BZW1: variants seen among roughly 807,000 people sequenced by gnomAD.
BZW1 encodes the protein basic leucine zipper and W2 domains 1, also known as eIF5-mimic protein 2.
In BZW1, 3 loss-of-function variants were observed where a neutral mutation model predicts 54.1. That is an observed-to-expected ratio of 0.06 (90% CI 0.03 to 0.14). BZW1 has a LOEUF of 0.14. BZW1 is among the 10% of genes least tolerant of loss of function. The probability of loss-of-function intolerance (pLI) is 1.00; values close to 1 mark genes in which losing one functional copy is unlikely to be tolerated. For missense variants in BZW1, 206 were observed against 491.7 expected, an observed-to-expected ratio of 0.42 and a Z score of 5.50; for synonymous variants, 152 against 162.7, an observed-to-expected ratio of 0.93 and a Z score of 0.50.
chr2:200,820,213 C>T, intron 10 of BZW1, 93 bp downstream of exon 10: 1 of 1,165,804 alleles, frequency 8.6e-7, no homozygotes, highest in Non-Finnish European at 1.2e-6. Context: ...GACATCAGCT[C>T]CCTGAAATAT....
rs2038596018 is a variant in BZW1 at position 200,823,425 on chromosome 2, T to TG, written c.*1253dup. On this transcript the variant is annotated 3_prime_UTR_variant, in exon 12 of 12. Transcript: ENST00000409600. ...GCTACCCATCTATGTATGTAGTCAT[T>TG]GGGGGGAAAATGTAGCCACATTTTT... The TG allele has an allele frequency of 6.6e-6, 1 of 150,550 alleles. No homozygotes were observed. Among genetic ancestry groups the TG allele is most frequent in the Non-Finnish European group, 1.5e-5 (1 of 67,022 alleles). 9.3% of individuals were successfully genotyped at this position (150,550 alleles called of 1,614,324 possible).
chr2:200,812,312 A>T (rs1401754147), intron 1 of BZW1: 43 of 1,255,824 alleles, frequency 3.4e-5, no homozygotes, highest in Non-Finnish European at 4.1e-5. Context: ...TGTGTGATGT[A>T]CGCGTGGGGG....
chr2:200,816,288 A>G, intron 4 of BZW1, 37 bp from the exon 5 acceptor site: 2 of 1,456,602 alleles, frequency 1.4e-6, no homozygotes, highest in Non-Finnish European at 1.9e-6. Context: ...TTCTAGAAAT[A>G]TATGAAGTTA....
intron 10 of BZW1, 107 bp from the exon 11 acceptor site, chr2:200,821,076 C>CT: frequency 7.4e-7 from 1 of 1,353,346 alleles, no homozygotes; most frequent in Non-Finnish European, 1.0e-6. Flanking sequence ...ATGTTTTTAG[C>CT]TTTTCAGCAG....
chr2:200,818,341 A>G lies in BZW1; in HGVS notation c.767A>G (p.Glu256Gly). 2 of 1,603,810 alleles carry G rather than the reference A, an allele frequency of 1.2e-6. No individual in the cohort carries two copies. Among genetic ancestry groups the G allele is most frequent in the South Asian group, 2.2e-5 (2 of 88,996 alleles). Residue 256 changes from glutamate to glycine, a missense_variant, in exon 8 of 12, where the codon GAG becomes GGG. Physicochemically the swap from Glu to Gly is moderately conservative, Grantham distance 98. Transcript: ENST00000409600. ...CAGCAAACCATCGGAGCTCGTAAGG[A>G]GCTCCAGAAAGAACTTCAAGAACAG... is the stretch of plus-strand genomic sequence containing the variant. ...RNQQTIGARK[E>G]LQKELQEQMS...
intron 4 of BZW1, among the ~76,000 whole-genome samples, chr2:200,816,054 T>TA (rs1280715583): frequency 2.0e-5 from 3 of 152,252 alleles, no homozygotes; most frequent in Non-Finnish European, 4.4e-5. Context: ...TTCTCTAGTT[T>TA]ATCTGCATAC....
chr2:200,812,479 A>G (rs2038109110), intron 1 of BZW1: 3 of 1,334,920 alleles, frequency 2.2e-6, no homozygotes, highest in Non-Finnish European at 2.9e-6. Context: ...GGCGGCCGCC[A>G]CCGCAGGCGA....
In BZW1 at chr2:200,823,409, CTATG is replaced by C. The variant is rs1390574604; in HGVS notation, c.*1238_*1241del. 6.6e-6 allele frequency: 1 copy of C among 150,990 alleles called. No individual in the cohort carries two copies. The highest frequency in any genetic ancestry group is 2.4e-5 in the African/African-American group (1 of 41,122). The allele number at this position is 150,990 out of a possible 1,614,324, so 9.4% of individuals were successfully genotyped here. A position where few individuals can be genotyped will look rare whatever the true frequency, so the allele number is the denominator to read the frequency against. On this transcript the variant is annotated 3_prime_UTR_variant, in exon 12 of 12. Transcript: ENST00000409600. ...TTCATCTTTTCTTGCTGCTACCCATCTATGTATGTAGTCATTGGGGGGAAAATGT... is the reference window on the plus strand; with the variant it reads ...TTCATCTTTTCTTGCTGCTACCCATCTATGTAGTCATTGGGGGGAAAATGT...
chr2:200,818,108 C>G (rs1399031590), intron 7 of BZW1, 25 bp downstream of exon 7: 1 of 1,532,390 alleles, frequency 6.5e-7, no homozygotes, highest in Non-Finnish European at 8.8e-7. Context: ...TTCATTCTTC[C>G]CATTCTTGCC....
chr2:200,814,762 A>G (rs978945026), intron 2 of BZW1, among the ~76,000 whole-genome samples: 1 of 152,158 alleles, frequency 6.6e-6, no homozygotes, highest in African/African-American at 2.4e-5. Flanking sequence ...CTACTACACA[A>G]TATAGTCTCT....
intron 1 of BZW1, 36 bp from the exon 2 acceptor site, chr2:200,813,171 TG>T (rs1180466449): frequency 6.5e-7 from 1 of 1,541,934 alleles, no homozygotes; most frequent in African/African-American, 1.4e-5. Flanking sequence ...ATTAGTATTA[TG>T]GCACTGATAT....
chr2:200,819,037 A>G, intron 9 of BZW1, 136 bp downstream of exon 9: 1 of 993,444 alleles, frequency 1.0e-6, no homozygotes, highest in Non-Finnish European at 1.4e-6. Context: ...ATAAACAAAT[A>G]GTAACATTAG....
chr2:200,818,716 A>T, intron 8 of BZW1, 39 bp from the exon 9 acceptor site: 1 of 1,565,020 alleles, frequency 6.4e-7, no homozygotes, highest in African/African-American at 1.4e-5. Context: ...GTACATAATC[A>T]AAACTGACTT....
intron 1 of BZW1, chr2:200,812,366 C>A: frequency 7.8e-7 from 1 of 1,281,816 alleles, no homozygotes; most frequent in Non-Finnish European, 9.8e-7. Flanking sequence ...ACCACCGCTG[C>A]GGCCGCCGCC....
intron 9 of BZW1, chr2:200,819,190 A>AGTT: frequency 3.0e-6 from 1 of 331,728 alleles, no homozygotes; most frequent in Non-Finnish European, 5.5e-6. Flanking sequence ...TCAGTTTAAG[A>AGTT]CGTGCCTGGG....
intron 5 of BZW1, 64 bp from the exon 6 acceptor site, chr2:200,817,042 T>C (rs568826947): frequency 6.4e-7 from 1 of 1,563,332 alleles, no homozygotes; most frequent in South Asian, 1.1e-5. Context: ...TATAACATGC[T>C]TTACTGCTTC....
intron 1 of BZW1, 91 bp downstream of exon 1, chr2:200,812,081 C>A: frequency 1.9e-6 from 1 of 536,874 alleles, no homozygotes; most frequent in Non-Finnish European, 2.8e-6. Context: ...TGGATGCGGC[C>A]CGGCTTGGAT....
At chr2:200,812,250 G>A (rs1406017098) in intron 1 of BZW1, 2 of 1,229,622 alleles carry the variant, frequency 1.6e-6, no homozygotes, top group Non-Finnish European at 2.0e-6. Flanking sequence ...GCCGAGGCGG[G>A]CTCCCTCTGG....
chr2:200,815,896 G>T, intron 4 of BZW1, 135 bp downstream of exon 4: 1 of 848,406 alleles, frequency 1.2e-6, no homozygotes, highest in Non-Finnish European at 1.8e-6. Flanking sequence ...ACTGTTCTTG[G>T]TGCAACGGGA....
Sources: gnomAD v4.1 joint callset for allele counts (sites outside exome capture counted in the v4.1 genomes callset) on GRCh38, gnomAD v4.1.1 for gene constraint, MANE v1.5 for transcripts, NCBI Gene and HGNC (gene_info 2026-07-23, HGNC 2026-07-21) for gene names.